Variants in ITPR2 observed in about 807,000 individuals in gnomAD.
ITPR2 encodes the protein inositol 1,4,5-trisphosphate-gated calcium channel ITPR2.
ITPR2 carries 207 observed loss-of-function variants against 317.1 expected under a neutral mutation model. The ratio of observed to expected loss-of-function variants is 0.65; its 90% CI spans 0.58 to 0.73. The LOEUF is 0.73. Ranked by LOEUF, ITPR2 falls within the 30% of genes least tolerant of loss-of-function variation. The pLI is 0.00. For synonymous variants in ITPR2, 1,156 were observed against 1,149.1 expected, an observed-to-expected ratio of 1.01 and a Z score of -0.12; for missense variants, 2,613 against 3,284.0, an observed-to-expected ratio of 0.80 and a Z score of 4.99.
rs1175467409 is a variant in ITPR2, at chr12:26,817,243, C to T, written c.92+15447G>A. Among the ~76,000 whole-genome samples the T allele has an allele frequency of 4.2e-5, 6 of 142,632 alleles. No homozygotes were observed. The South Asian group carries it at 8.8e-4, about 21-fold the overall frequency. The allele number at this position is 142,632 out of a possible 152,430, so 93.6% of individuals were successfully genotyped here. ...AGCACAGAGCTAGAGGAAGGAGAAA[C>T]GACACAAGATGACGTTTGTATCTCA... On this transcript the variant is annotated intron_variant, in intron 1 of 56. Coordinates refer to ENST00000381340, the MANE Select transcript of ITPR2 (RefSeq NM_002223.4).
At chr12:26,830,043 A>G (rs957643147) in intron 1 of ITPR2, among the ~76,000 whole-genome samples, 4 of 152,216 alleles carry the variant, frequency 2.6e-5, no homozygotes, top group Non-Finnish European at 5.9e-5. Flanking sequence ...AGCTGGGACT[A>G]CAGGCGTCCG....
intron 52 of ITPR2, chr12:26,411,075 T>C (rs1940530709): frequency 2.3e-6 from 1 of 428,430 alleles, no homozygotes; most frequent in Non-Finnish European, 4.3e-6. Context: ...CAGCAGCACA[T>C]ACCACAGGGT....
chr12:26,368,894 T>C (rs1299600911), intron 55 of ITPR2, among the ~76,000 whole-genome samples: 1 of 152,182 alleles, frequency 6.6e-6, no homozygotes, highest in Non-Finnish European at 1.5e-5. Context: ...CAGATTATGA[T>C]AGCTGTTTTG....
At position 26,402,157 on chromosome 12, in the gene ITPR2, C is replaced by A. The variant is rs747922093; in HGVS notation, c.7400-1899G>T. Among the ~76,000 whole-genome samples, 4 of 152,166 alleles carry A rather than the reference C, an allele frequency of 2.6e-5. No homozygotes were observed. The East Asian group carries it at 7.7e-4, about 29-fold the overall frequency. On this transcript the variant is annotated intron_variant, in intron 52 of 56. Transcript: ENST00000381340. ...AATGTGCTAGTGAGGTCCCCCCATA[C>A]ATGGCAGTAGATGCCAACATGATGG...
At chr12:26,631,785 G>T in intron 22 of ITPR2, 81 bp downstream of exon 22, 1 of 1,228,214 alleles carries the variant, frequency 8.1e-7, no homozygotes, top group Non-Finnish European at 1.2e-6. Flanking sequence ...TTTACACAGT[G>T]ATTTGGAACA....
At chr12:26,507,853 C>CTGTGTGTGTGTGTG (rs541133629) in intron 37 of ITPR2, among the ~76,000 whole-genome samples, 176 of 107,490 alleles carry the variant, frequency 1.6e-3, no homozygotes, top group Middle Eastern at 9.6e-3. Flanking sequence ...CTACTCTTCT[C>CTGTGTGTGTGTGTG]TCTCTGTCTC....
chr12:26,543,154 A>G (rs142947662), intron 37 of ITPR2, among the ~76,000 whole-genome samples: 1 of 152,280 alleles, frequency 6.6e-6, no homozygotes, highest in East Asian at 1.9e-4. Context: ...AAACCAAACC[A>G]TTCCTCTGAG....
chr12:26,597,401 T>C (rs750311081), intron 30 of ITPR2, among the ~76,000 whole-genome samples: 3 of 152,304 alleles, frequency 2.0e-5, no homozygotes, highest in Admixed American at 6.5e-5. Flanking sequence ...AAGTAAATTG[T>C]TCATCACACT....
rs754495598 is a variant in ITPR2 at position 26,370,675 on chromosome 12, GTTGT to G, written c.7857+16755_7857+16758del. Among the ~76,000 whole-genome samples the G allele has an allele frequency of 3.0e-4, 45 of 152,102 alleles. 1 individual carries two copies. Among genetic ancestry groups the G allele is most frequent in the East Asian group, 3.9e-4 (2 of 5,154 alleles). ...TTTATTTTTGTTGTTGTTGTTGTTT[GTTGT>G]TTGTTTGTTTGTTTTGATGGAGTCT... On this transcript the variant is annotated intron_variant, in intron 55 of 56. Transcript: ENST00000381340.
At chr12:26,773,264 A>G (rs35781849) in intron 2 of ITPR2, among the ~76,000 whole-genome samples, 55,742 of 152,146 alleles carry the variant, frequency 0.37, 12,704 homozygotes, top group Non-Finnish European at 0.53. Flanking sequence ...AGCACTCAAA[A>G]TTAAGAATTT....
chr12:26,403,045 A>G (rs11048498), intron 52 of ITPR2, among the ~76,000 whole-genome samples: 49,358 of 152,132 alleles, frequency 0.32, 9,134 homozygotes, highest in Non-Finnish European at 0.43. Context: ...AAACAGATGC[A>G]TATCTCACAG....
At chr12:26,763,318 A>C (rs1288097368) in intron 2 of ITPR2, among the ~76,000 whole-genome samples, 1 of 152,136 alleles carries the variant, frequency 6.6e-6, no homozygotes. Context: ...AAATAAATAA[A>C]TAAATAAATG....
chr12:26,578,041 A>G (rs1945316264), intron 34 of ITPR2, among the ~76,000 whole-genome samples: 1 of 152,170 alleles, frequency 6.6e-6, no homozygotes, highest in Non-Finnish European at 1.5e-5. Context: ...TGCCTTTCCC[A>G]ATGTCTGCAG....
Position 26,574,440 on chromosome 12 carries a change from C to CTAA in ITPR2, c.4630+4270_4630+4272dup, listed in dbSNP as rs1945230214. Among the ~76,000 whole-genome samples, 7 of 152,272 alleles carry CTAA rather than the reference C, an allele frequency of 4.6e-5. No individual in the cohort carries two copies. In the South Asian group the frequency reaches 1.5e-3, roughly 32 times the overall value. Reference sequence around the variant, plus strand: ...CAAAAACAACCAAAAAGCATACAGTCTAATCATCATTAAGCAGAATCTGCT... The same window carrying CTAA: ...CAAAAACAACCAAAAAGCATACAGTCTAATAATCATCATTAAGCAGAATCTGCT... On this transcript the variant is annotated intron_variant, in intron 34 of 56. Coordinates refer to ENST00000381340, the MANE Select transcript of ITPR2 (RefSeq NM_002223.4).
chr12:26,810,972 G>C (rs1258945120), intron 1 of ITPR2, among the ~76,000 whole-genome samples: 1 of 124,028 alleles, frequency 8.1e-6, no homozygotes, highest in African/African-American at 3.3e-5. Flanking sequence ...GGTCTGTTCT[G>C]TTTTTTTAAA....
At chr12:26,539,946 T>G (rs528978448) in intron 37 of ITPR2, among the ~76,000 whole-genome samples, 5 of 152,246 alleles carry the variant, frequency 3.3e-5, no homozygotes, top group Non-Finnish European at 7.3e-5. Context: ...TATGTGTCAA[T>G]CTGTCCCTCT....
At chr12:26,665,883 A>G in intron 14 of ITPR2, 27 bp downstream of exon 14, 2 of 1,586,874 alleles carry the variant, frequency 1.3e-6, no homozygotes, top group South Asian at 1.1e-5. Context: ...AATAAAATAT[A>G]CAAATTTAGT....
At chr12:26,716,383 T>A in intron 5 of ITPR2, 141 bp from the exon 6 acceptor site, 1 of 586,528 alleles carries the variant, frequency 1.7e-6, no homozygotes, top group East Asian at 2.8e-5. Flanking sequence ...TTTCATACAA[T>A]CCTTTTTCTC....
intron 41 of ITPR2, among the ~76,000 whole-genome samples, 184 bp from the exon 42 acceptor site, chr12:26,484,082 T>C (rs747921424): frequency 1.3e-5 from 2 of 151,794 alleles, no homozygotes; most frequent in South Asian, 4.1e-4. Context: ...CATCTATATA[T>C]ATATATACAC....
Sources: gnomAD v4.1 joint callset for allele counts (sites outside exome capture counted in the v4.1 genomes callset) on GRCh38, gnomAD v4.1.1 for gene constraint, MANE v1.5 for transcripts, NCBI Gene and HGNC (gene_info 2026-07-23, HGNC 2026-07-21) for gene names.